ARID4B: variants seen among roughly 807,000 people sequenced by gnomAD.
ARID4B encodes the protein AT-rich interactive domain-containing protein 4B.
Under a neutral mutation model 147.5 loss-of-function variants are expected in ARID4B, and 26 were observed. That is an observed-to-expected ratio of 0.18 (90% confidence interval 0.13 to 0.24). The LOEUF (loss-of-function observed/expected upper bound fraction) is 0.24, where lower values mean the gene tolerates loss of function less well. Ranked by LOEUF, ARID4B falls within the 10% of genes least tolerant of loss-of-function variation. ARID4B has a pLI of 1.00. For missense variants in ARID4B, 1,179 were observed against 1,511.5 expected (o/e 0.78, Z 3.65); for synonymous variants, 512 against 507.9 (o/e 1.01, Z -0.11).
At chr1:235,238,153 A>AAAGAAAAG (rs1668738344) in intron 8 of ARID4B, among the ~76,000 whole-genome samples, 1 of 141,764 alleles carries the variant, frequency 7.1e-6, no homozygotes, top group African/African-American at 2.8e-5. Flanking sequence ...CAAAAAAAAA[A>AAAGAAAAG]AAAAGAAAAG....
At chr1:235,280,524 T>C (rs961068112) in intron 2 of ARID4B, among the ~76,000 whole-genome samples, 6 of 152,234 alleles carry the variant, frequency 3.9e-5, no homozygotes, top group Admixed American at 1.3e-4. Flanking sequence ...GCTCACTGGG[T>C]TCCTGCCTCT....
chr1:235,265,555 C>T (rs1212313313), intron 2 of ARID4B, among the ~76,000 whole-genome samples: 1 of 151,682 alleles, frequency 6.6e-6, no homozygotes, highest in Non-Finnish European at 1.5e-5. Context: ...AAAAATTAGC[C>T]AAGCATGGTG....
At chr1:235,315,019 T>C (rs1297922817) in intron 2 of ARID4B, among the ~76,000 whole-genome samples, 1 of 152,222 alleles carries the variant, frequency 6.6e-6, no homozygotes, top group Non-Finnish European at 1.5e-5. Context: ...ATAGCATTAA[T>C]AGAACTTTTA....
chr1:235,177,435 G>GT (rs1022707700), intron 21 of ARID4B, among the ~76,000 whole-genome samples: 22 of 151,792 alleles, frequency 1.4e-4, no homozygotes, highest in East Asian at 5.8e-4. Flanking sequence ...GAAAACCTGT[G>GT]TTTTTTTTGT....
chr1:235,319,176 T>C (rs1558311895), intron 2 of ARID4B, among the ~76,000 whole-genome samples: 1 of 152,188 alleles, frequency 6.6e-6, no homozygotes, highest in South Asian at 2.1e-4. Context: ...ATAGTAGTGA[T>C]GGATGCACAA....
chr1:235,282,592 C>T (rs1671728959), intron 2 of ARID4B, among the ~76,000 whole-genome samples: 1 of 151,878 alleles, frequency 6.6e-6, no homozygotes, highest in Non-Finnish European at 1.5e-5. Context: ...GAAGACCCTA[C>T]AAGAATTTTC....
chr1:235,309,936 G>T (rs1355955710), intron 2 of ARID4B, among the ~76,000 whole-genome samples: 1 of 152,128 alleles, frequency 6.6e-6, no homozygotes, highest in Non-Finnish European at 1.5e-5. Context: ...AATGGATTAA[G>T]GGAGGTGCAA....
At chr1:235,316,648 G>A (rs1425605957) in intron 2 of ARID4B, among the ~76,000 whole-genome samples, 8 of 151,896 alleles carry the variant, frequency 5.3e-5, no homozygotes, top group Non-Finnish European at 1.2e-4. Context: ...GCGAAACCTC[G>A]TCTGTACTAA....
Position 235,181,966 on chromosome 1 carries a change from C to T in ARID4B, c.2953G>A (p.Glu985Lys). 1 of 1,614,130 alleles carries T rather than the reference C, an allele frequency of 6.2e-7. No individual in the cohort carries two copies. Among genetic ancestry groups the T allele is most frequent in the Admixed American group, 1.7e-5 (1 of 60,018 alleles). The stretch of plus-strand genomic sequence containing the variant: ...TCGACATTGACTGGAGGTGGTTTTT[C>T]TAGTTCTACACTGGGTGAACAACTC... ...EESCSPSVEL[E>K]KPPPVNVDSK... is the part of the protein sequence containing the mutation. The change falls in exon 20 of 24, where the codon GAA becomes AAA. Residue 985 changes from glutamate (E) to lysine (K), a missense_variant. Physicochemically the swap from Glu to Lys is moderately conservative, Grantham distance 56. Transcript: ENST00000264183.
chr1:235,276,985 CA>C (rs1671358268), intron 2 of ARID4B, among the ~76,000 whole-genome samples: 1 of 128,740 alleles, frequency 7.8e-6, no homozygotes, highest in South Asian at 2.4e-4. Flanking sequence ...GGTGATGGAG[CA>C]AAACACCATC....
intron 11 of ARID4B, 74 bp from the exon 12 acceptor site, chr1:235,224,849 T>C (rs1667722466): frequency 1.1e-5 from 11 of 961,318 alleles, no homozygotes; most frequent in East Asian, 1.0e-4. Context: ...TTCTTACCAA[T>C]AGCAAAGACT....
At chr1:235,238,203 C>T (rs1668748787) in intron 8 of ARID4B, among the ~76,000 whole-genome samples, 1 of 146,614 alleles carries the variant, frequency 6.8e-6, no homozygotes, top group South Asian at 2.2e-4. Flanking sequence ...ATCATGAGAA[C>T]AAAAAACCTC....
intron 8 of ARID4B, among the ~76,000 whole-genome samples, chr1:235,235,036 G>C (rs528794931): frequency 3.9e-5 from 6 of 152,336 alleles, no homozygotes; most frequent in Admixed American, 3.9e-4. Flanking sequence ...GTGATCACCT[G>C]AGTGAGAGGT....
intron 2 of ARID4B, among the ~76,000 whole-genome samples, chr1:235,284,828 A>C (rs1671871262): frequency 6.6e-6 from 1 of 152,204 alleles, no homozygotes; most frequent in African/African-American, 2.4e-5. Flanking sequence ...CAGGAGCTCA[A>C]GACCAGCCTG....
At chr1:235,176,836 AG>A in intron 21 of ARID4B, 1 of 470,748 alleles carries the variant, frequency 2.1e-6, no homozygotes, top group Non-Finnish European at 4.4e-6. Context: ...GCCGGCTGCT[AG>A]CAAAGGTCAG....
At chr1:235,278,552 T>C (rs1671482787) in intron 2 of ARID4B, among the ~76,000 whole-genome samples, 1 of 152,240 alleles carries the variant, frequency 6.6e-6, no homozygotes, top group Non-Finnish European at 1.5e-5. Context: ...AGGGAGATGA[T>C]AAATTCCAGG....
intron 2 of ARID4B, among the ~76,000 whole-genome samples, chr1:235,271,611 C>G (rs1032640113): frequency 6.6e-6 from 1 of 151,572 alleles, no homozygotes; most frequent in Non-Finnish European, 1.5e-5. Context: ...GCCTGGGCAA[C>G]AAAAGTGAAA....
chr1:235,283,859 C>CT (rs1485081335), intron 2 of ARID4B, among the ~76,000 whole-genome samples: 1 of 152,004 alleles, frequency 6.6e-6, no homozygotes, highest in Non-Finnish European at 1.5e-5. Flanking sequence ...CTCAGCCTCC[C>CT]GAGTAGCTGG....
intron 17 of ARID4B, among the ~76,000 whole-genome samples, chr1:235,197,843 T>C (rs1665607952): frequency 6.6e-6 from 1 of 152,226 alleles, no homozygotes; most frequent in Non-Finnish European, 1.5e-5. Flanking sequence ...CTTTTGGTAC[T>C]TCTACCTGGC....
Sources: allele counts gnomAD v4.1 joint callset (sites outside exome capture counted in the v4.1 genomes callset), GRCh38; gene constraint gnomAD v4.1.1; transcripts MANE v1.5; gene names NCBI Gene and HGNC (gene_info 2026-07-23, HGNC 2026-07-21).